Variants in STK32B observed in about 807,000 individuals in gnomAD.
STK32B encodes the protein serine/threonine-protein kinase 32B.
In STK32B, 43 loss-of-function variants were observed where a neutral mutation model predicts 52.6. That is an observed-to-expected ratio of 0.82 (90% CI 0.64 to 1.05). The LOEUF is 1.05. Ranked by LOEUF, STK32B falls within the 50% of genes least tolerant of loss-of-function variation. The probability of loss-of-function intolerance (pLI) is 0.00; values close to 1 mark genes in which losing one functional copy is unlikely to be tolerated. For missense variants in STK32B, 621 were observed against 534.6 expected, an observed-to-expected ratio of 1.16 and a Z score of -1.59; for synonymous variants, 238 against 204.3, an observed-to-expected ratio of 1.17 and a Z score of -1.41.
intron 3 of STK32B, among the ~76,000 whole-genome samples, chr4:5,242,208 T>G (rs1469418121): frequency 6.6e-6 from 1 of 152,206 alleles, no homozygotes; most frequent in Non-Finnish European, 1.5e-5. Context: ...GTATAAGTGT[T>G]CCTATTTCTC....
chr4:5,187,219 C>T (rs16836793), intron 3 of STK32B, among the ~76,000 whole-genome samples: 36,673 of 152,056 alleles, frequency 0.24, 4,796 homozygotes, highest in East Asian at 0.35. Context: ...CCGCTTCTCC[C>T]GCACCACAAC....
intron 1 of STK32B, among the ~76,000 whole-genome samples, chr4:5,077,109 C>T (rs771483797): frequency 6.6e-6 from 1 of 152,146 alleles, no homozygotes; most frequent in Non-Finnish European, 1.5e-5. Context: ...AGAACCTTTT[C>T]TGCCACATTT....
intron 5 of STK32B, among the ~76,000 whole-genome samples, chr4:5,414,362 TAA>T (rs145139328): frequency 3.2e-5 from 1 of 31,440 alleles, no homozygotes; most frequent in East Asian, 7.0e-4. Context: ...GAACACCTTG[TAA>T]TCAAATACAT....
At chr4:5,145,385 T>C (rs1716830839) in intron 2 of STK32B, among the ~76,000 whole-genome samples, 1 of 152,198 alleles carries the variant, frequency 6.6e-6, no homozygotes, top group East Asian at 1.9e-4. Flanking sequence ...TACAACAGAA[T>C]GAACACATCT....
chr4:5,064,958 A>G (rs1742360439), intron 1 of STK32B, among the ~76,000 whole-genome samples: 1 of 151,268 alleles, frequency 6.6e-6, no homozygotes, highest in Non-Finnish European at 1.5e-5. Flanking sequence ...AGTTTCAGTG[A>G]CATTACACCC....
At chr4:5,393,004 T>G (rs1433523957) in intron 4 of STK32B, among the ~76,000 whole-genome samples, 6 of 152,072 alleles carry the variant, frequency 3.9e-5, no homozygotes, top group Non-Finnish European at 7.4e-5. Context: ...GTGTTGTCAT[T>G]TCTTAATTGT....
At position 5,399,725 on chromosome 4, in the gene STK32B, C is replaced by T. The variant is rs1298211519; in HGVS notation, c.472+1481C>T. On this transcript the variant is annotated intron_variant, in intron 5 of 11. Transcript: ENST00000282908. This position sits in a 1 kb window ranked among gnomAD's most constrained non-coding sequence, Gnocchi z 5.4. ...CTCCGTGTCTCAGCCTTCCCAGCAG[C>T]GATGCAGAAGTAATTGACCCACCTT... is the stretch of plus-strand genomic sequence containing the variant. Among the ~76,000 whole-genome samples the T allele has an allele frequency of 2.0e-5, 3 of 152,164 alleles. No homozygotes were observed. The highest frequency in any genetic ancestry group is 4.8e-5 in the African/African-American group (2 of 41,426).
At chr4:5,407,479 C>G (rs1737755831) in intron 5 of STK32B, among the ~76,000 whole-genome samples, 1 of 152,084 alleles carries the variant, frequency 6.6e-6, no homozygotes, top group Non-Finnish European at 1.5e-5. Context: ...TTTGTTGTCA[C>G]ACTGCTATAA....
At chr4:5,072,028 A>C (rs957207832) in intron 1 of STK32B, among the ~76,000 whole-genome samples, 3 of 152,154 alleles carry the variant, frequency 2.0e-5, no homozygotes, top group Admixed American at 1.3e-4. Context: ...CCAACTCCTC[A>C]TCTTTCTGGA....
At chr4:5,333,226 T>C (rs2038547047) in intron 4 of STK32B, among the ~76,000 whole-genome samples, 1 of 152,222 alleles carries the variant, frequency 6.6e-6, no homozygotes, top group African/African-American at 2.4e-5. Context: ...TGGTTTTGAT[T>C]TGCATTTCTC....
chr4:5,320,335 G>C (rs1434975694), intron 3 of STK32B, among the ~76,000 whole-genome samples: 2 of 152,034 alleles, frequency 1.3e-5, no homozygotes, highest in African/African-American at 2.4e-5. Flanking sequence ...CATTTTCTTG[G>C]TCCAGTGCCT....
At chr4:5,255,875 T>C (rs1486573112) in intron 3 of STK32B, among the ~76,000 whole-genome samples, 5 of 152,322 alleles carry the variant, frequency 3.3e-5, no homozygotes, top group Admixed American at 3.3e-4. Context: ...TGAATAAAGC[T>C]GCTGTGCACA....
At chr4:5,160,222 C>T (rs988638286) in intron 2 of STK32B, among the ~76,000 whole-genome samples, 1 of 152,192 alleles carries the variant, frequency 6.6e-6, no homozygotes, top group Non-Finnish European at 1.5e-5. Context: ...TTGCACATCT[C>T]CACAATGTCC....
intron 11 of STK32B, among the ~76,000 whole-genome samples, chr4:5,472,152 A>G (rs1376124799): frequency 6.6e-6 from 1 of 152,214 alleles, no homozygotes; most frequent in Admixed American, 6.5e-5. Flanking sequence ...GCATTCAGTC[A>G]TTTGACAGCT....
At chr4:5,073,282 A>G (rs1423005482) in intron 1 of STK32B, among the ~76,000 whole-genome samples, 3 of 152,118 alleles carry the variant, frequency 2.0e-5, no homozygotes, top group South Asian at 4.1e-4. Context: ...TAAAAATTCT[A>G]TCACAACTAT....
intron 3 of STK32B, among the ~76,000 whole-genome samples, chr4:5,249,767 T>A (rs1053706090): frequency 2.6e-5 from 4 of 152,176 alleles, no homozygotes; most frequent in Non-Finnish European, 4.4e-5. Context: ...TTTATTGTTT[T>A]TGTTTTTCTT....
chr4:5,109,798 T>C (rs1272992407), intron 1 of STK32B, among the ~76,000 whole-genome samples: 1 of 152,120 alleles, frequency 6.6e-6, no homozygotes, highest in Non-Finnish European at 1.5e-5. Flanking sequence ...ATAAAAGGTA[T>C]CCAAATTGGA....
chr4:5,163,932 C>T (rs1168233406), intron 2 of STK32B, among the ~76,000 whole-genome samples: 2 of 152,190 alleles, frequency 1.3e-5, no homozygotes, highest in African/African-American at 2.4e-5. Context: ...GTTTCCTGCT[C>T]CTCCGCATGG....
chr4:5,154,757 C>A (rs1456243524), intron 2 of STK32B, among the ~76,000 whole-genome samples: 1 of 152,214 alleles, frequency 6.6e-6, no homozygotes, highest in African/African-American at 2.4e-5. Context: ...GGGCTGGGAC[C>A]TGGTCATGCC....
Sources: gnomAD v4.1 joint callset for allele counts (sites outside exome capture counted in the v4.1 genomes callset) on GRCh38, gnomAD v4.1.1 for gene constraint, Gnocchi (gnomAD v3.1) non-coding constraint, MANE v1.5 for transcripts, NCBI Gene and HGNC (gene_info 2026-07-23, HGNC 2026-07-21) for gene names.